The following LRP1B variants were observed in gnomAD, a reference collection of about 807,000 sequenced individuals.
The protein encoded by LRP1B is LDL receptor related protein 1B, also known as low-density lipoprotein receptor-related protein 1B.
Under a neutral mutation model 556.6 loss-of-function variants are expected in LRP1B, and 217 were observed. The observed-to-expected ratio is 0.39, with a 90% CI of 0.35 to 0.44. LRP1B has a LOEUF of 0.44. Ranked by LOEUF, LRP1B falls within the 20% of genes least tolerant of loss-of-function variation. The pLI, the probability that LRP1B is intolerant of heterozygous loss-of-function variation, is 1.00. For missense variants in LRP1B, 5,053 were observed against 5,620.8 expected (o/e 0.90, Z 3.23); for synonymous variants, 2,047 against 1,865.8 (o/e 1.10, Z -2.50).
chr2:140,491,088 C>A (rs1170543274), intron 57 of LRP1B, among the ~76,000 whole-genome samples: 2 of 151,874 alleles, frequency 1.3e-5, no homozygotes, highest in Non-Finnish European at 2.9e-5. Flanking sequence ...TCATTTTGTT[C>A]CATTAAGAAC....
intron 41 of LRP1B, among the ~76,000 whole-genome samples, chr2:140,670,167 G>T (rs956126204): frequency 3.3e-5 from 5 of 152,148 alleles, no homozygotes; most frequent in African/African-American, 4.8e-5. Flanking sequence ...AAGACACTAC[G>T]CATCCAATTT....
At chr2:140,373,577 TTTAA>T (rs1297181636) in intron 68 of LRP1B, among the ~76,000 whole-genome samples, 2 of 152,114 alleles carry the variant, frequency 1.3e-5, no homozygotes, top group Non-Finnish European at 2.9e-5. Flanking sequence ...GTAATGGAAT[TTTAA>T]TAATTTTAGG....
intron 66 of LRP1B, among the ~76,000 whole-genome samples, chr2:140,420,068 T>C (rs970248912): frequency 3.4e-5 from 3 of 89,116 alleles, no homozygotes; most frequent in Admixed American, 3.1e-4. Context: ...TGAGTGAAAA[T>C]AAAAACACAA....
intron 2 of LRP1B, among the ~76,000 whole-genome samples, chr2:141,741,928 CTTAGATT>C (rs1431308642): frequency 6.6e-6 from 1 of 152,122 alleles, no homozygotes; most frequent in Non-Finnish European, 1.5e-5. Flanking sequence ...GGTTTGAGAT[CTTAGATT>C]TAAGTCTTTA....
chr2:140,550,550 A>G (rs189748590), intron 43 of LRP1B, among the ~76,000 whole-genome samples: 11 of 152,206 alleles, frequency 7.2e-5, no homozygotes, highest in African/African-American at 1.7e-4. Flanking sequence ...AATTTTATCA[A>G]TGTAAGTGCA....
At chr2:140,623,972 A>ATATATATATATATATATATATATATG (rs1683558574) in intron 41 of LRP1B, among the ~76,000 whole-genome samples, 1 of 145,100 alleles carries the variant, frequency 6.9e-6, no homozygotes, top group Non-Finnish European at 1.5e-5. Context: ...ATATATATAT[A>ATATATATATATATATATATATATATG]TAGCTTAGTT....
At chr2:140,663,286 C>T (rs1316720274) in intron 41 of LRP1B, among the ~76,000 whole-genome samples, 1 of 152,056 alleles carries the variant, frequency 6.6e-6, no homozygotes, top group Non-Finnish European at 1.5e-5. Context: ...ATACACTGGT[C>T]ATCATCATCA....
At chr2:140,717,129 T>C (rs1276953079) in intron 35 of LRP1B, among the ~76,000 whole-genome samples, 1 of 152,076 alleles carries the variant, frequency 6.6e-6, no homozygotes, top group Non-Finnish European at 1.5e-5. Flanking sequence ...TTATCCTGCA[T>C]GAATTTGCAG....
chr2:140,573,225 CA>C (rs1226699936), intron 43 of LRP1B, among the ~76,000 whole-genome samples: 1 of 151,620 alleles, frequency 6.6e-6, no homozygotes, highest in Non-Finnish European at 1.5e-5. Flanking sequence ...ATACATGTAT[CA>C]AAAAATCACA....
intron 66 of LRP1B, among the ~76,000 whole-genome samples, chr2:140,427,223 G>A (rs918854267): frequency 3.3e-5 from 5 of 152,172 alleles, no homozygotes; most frequent in East Asian, 1.9e-4. Flanking sequence ...TCTGATCTCC[G>A]CGAGGACGCC....
intron 14 of LRP1B, among the ~76,000 whole-genome samples, chr2:141,007,484 T>C (rs1051315438): frequency 4.7e-5 from 7 of 149,136 alleles, no homozygotes; most frequent in Non-Finnish European, 1.0e-4. Flanking sequence ...TAATTAAGCC[T>C]AATACAGGGT....
At chr2:140,300,376 G>A (rs1446864979) in intron 83 of LRP1B, among the ~76,000 whole-genome samples, 3 of 152,052 alleles carry the variant, frequency 2.0e-5, no homozygotes, top group South Asian at 2.1e-4. Context: ...ATCTCTCTAG[G>A]TGCACCCTAA....
intron 31 of LRP1B, among the ~76,000 whole-genome samples, chr2:140,829,919 A>G (rs1691656361): frequency 6.6e-6 from 1 of 152,198 alleles, no homozygotes; most frequent in African/African-American, 2.4e-5. Flanking sequence ...AAACAAAAAA[A>G]GGAGACATAA....
At chr2:140,677,505 G>A (rs1407620369) in intron 41 of LRP1B, among the ~76,000 whole-genome samples, 2 of 152,140 alleles carry the variant, frequency 1.3e-5, no homozygotes, top group Non-Finnish European at 2.9e-5. Context: ...TAGGAATAAG[G>A]TTTAGATTTG....
At chr2:141,118,463 G>A (rs995122596) in intron 7 of LRP1B, among the ~76,000 whole-genome samples, 4 of 151,860 alleles carry the variant, frequency 2.6e-5, no homozygotes, top group African/African-American at 9.7e-5. Flanking sequence ...AATTGGTCAA[G>A]AGCTGACTTT....
At chr2:141,125,311 C>T (rs1701174527) in intron 7 of LRP1B, among the ~76,000 whole-genome samples, 1 of 152,168 alleles carries the variant, frequency 6.6e-6, no homozygotes, top group Non-Finnish European at 1.5e-5. Flanking sequence ...AGATCCATGG[C>T]TCATTTCTTC....
At chr2:141,319,307 G>GTTTTTTTTTTTTTTTTTTTTTTTT (rs1370500448) in intron 3 of LRP1B, among the ~76,000 whole-genome samples, 1 of 88,786 alleles carries the variant, frequency 1.1e-5, no homozygotes, top group African/African-American at 4.8e-5. Context: ...GTGTTTTTTT[G>GTTTTTTTTTTTTTTTTTTTTTTTT]TTGTTTTTTT....
At chr2:141,990,814 A>T (rs1702323769) in intron 1 of LRP1B, among the ~76,000 whole-genome samples, 1 of 151,980 alleles carries the variant, frequency 6.6e-6, no homozygotes, top group South Asian at 2.1e-4. Context: ...ATTCTGTTAG[A>T]CTCACATAAT....
At chr2:140,955,077 G>A (rs1695833846) in intron 18 of LRP1B, among the ~76,000 whole-genome samples, 1 of 151,872 alleles carries the variant, frequency 6.6e-6, no homozygotes, top group African/African-American at 2.4e-5. Flanking sequence ...GGTCCTATAA[G>A]TCCTAGAGAT....
Sources: gnomAD v4.1 joint callset for allele counts (sites outside exome capture counted in the v4.1 genomes callset) on GRCh38, gnomAD v4.1.1 for gene constraint, MANE v1.5 for transcripts, NCBI Gene and HGNC (gene_info 2026-07-23, HGNC 2026-07-21) for gene names.